Variants in XPNPEP2 observed in about 807,000 individuals in gnomAD.
XPNPEP2 encodes the protein xaa-Pro aminopeptidase 2.
Under a neutral mutation model 59.8 loss-of-function variants are expected in XPNPEP2, and 64 were observed. That is an observed-to-expected ratio of 1.07 (90% CI 0.87 to 1.32). The LOEUF (loss-of-function observed/expected upper bound fraction) is 1.32, where lower values mean the gene tolerates loss of function less well. XPNPEP2 is among the 40% of genes most tolerant of loss of function. The pLI, the probability that XPNPEP2 is intolerant of heterozygous loss-of-function variation, is 0.00. For synonymous variants in XPNPEP2, 235 were observed against 210.0 expected (o/e 1.12, Z -1.03); for missense variants, 575 against 546.8 (o/e 1.05, Z -0.51).
At chrX:129,744,169 G>A in intron 3 of XPNPEP2, 98 bp downstream of exon 3, 1 of 764,472 alleles carries the variant, frequency 1.3e-6, no homozygotes, top group East Asian at 3.2e-5. Context: ...GACAGAGAAA[G>A]GATCTGATGG....
intron 14 of XPNPEP2, among the ~76,000 whole-genome samples, chrX:129,757,147 G>C (rs1211395953): frequency 1.9e-5 from 2 of 104,219 alleles, no homozygotes; most frequent in Non-Finnish European, 3.9e-5. Flanking sequence ...TGGCCAGGCT[G>C]TTCTCAAACT....
chrX:129,762,582 G>T, intron 18 of XPNPEP2, 112 bp from the exon 19 acceptor site: 1 of 672,823 alleles, frequency 1.5e-6, no homozygotes, highest in Admixed American at 2.5e-5. Context: ...AGAGTCAACA[G>T]CCAGGGGACA....
At chrX:129,756,696 C>A in intron 14 of XPNPEP2, 141 bp downstream of exon 14, 1 of 602,315 alleles carries the variant, frequency 1.7e-6, no homozygotes. Flanking sequence ...CCCCGAACAT[C>A]CTACCCATTT....
intron 7 of XPNPEP2, among the ~76,000 whole-genome samples, 181 bp from the exon 8 acceptor site, chrX:129,750,287 C>A (rs1200106090): frequency 8.9e-6 from 1 of 112,529 alleles, no homozygotes; most frequent in Non-Finnish European, 1.9e-5. Flanking sequence ...AGGATTTGAG[C>A]CCCATCTGGG....
chrX:129,768,224 C>T lies in XPNPEP2; in HGVS notation c.1831-67C>T, dbSNP rs376533051. The T allele has an allele frequency of 1.4e-4, 144 of 1,056,571 alleles. No homozygotes were observed. In the East Asian group the frequency reaches 2.7e-3, roughly 20 times the overall value. 87.1% of individuals were successfully genotyped at this position (1,056,571 alleles called of 1,213,427 possible). On this transcript the variant is annotated intron_variant, in intron 20 of 20. Transcript: ENST00000371106. ...TGGAGTACCACAACAGGGGACTGGGCGTCACCAAGACTTCACCTCTTGGCA... is the reference window on the plus strand; with the variant it reads ...TGGAGTACCACAACAGGGGACTGGGTGTCACCAAGACTTCACCTCTTGGCA...
At chrX:129,756,740 C>T (rs771590611) in intron 14 of XPNPEP2, among the ~76,000 whole-genome samples, 185 bp downstream of exon 14, 1 of 110,424 alleles carries the variant, frequency 9.1e-6, no homozygotes, top group Non-Finnish European at 1.9e-5. Flanking sequence ...GTGGGAAATA[C>T]ACAGAGGCTG....
chrX:129,742,847 A>G (rs1392059669), intron 2 of XPNPEP2, among the ~76,000 whole-genome samples: 3 of 112,302 alleles, frequency 2.7e-5, no homozygotes, highest in Non-Finnish European at 5.6e-5. Flanking sequence ...GGTTGCAGTG[A>G]GCCAAGATTG....
chrX:129,758,307 G>A (rs1429676674), intron 14 of XPNPEP2, among the ~76,000 whole-genome samples: 4 of 111,583 alleles, frequency 3.6e-5, no homozygotes, highest in African/African-American at 3.3e-5. Context: ...TTGTGGGGGC[G>A]TTGCTGGAAT....
At chrX:129,742,051 C>T in intron 1 of XPNPEP2, 57 bp from the exon 2 acceptor site, 6 of 1,121,668 alleles carry the variant, frequency 5.3e-6, no homozygotes, top group Non-Finnish European at 7.3e-6. Flanking sequence ...ATACTCCTTC[C>T]CTCTCTAGGA....
rs1249242760 is a variant in XPNPEP2 at position 129,762,129 on chromosome X, A to C, written c.1663+64A>C. 2.7e-6 allele frequency: 3 copies of C among 1,116,412 alleles called. No individual in the cohort carries two copies. The Admixed American group carries it at 6.6e-5, about 25-fold the overall frequency. The allele number at this position is 1,116,412 out of a possible 1,213,427, so 92.0% of individuals were successfully genotyped here. ...CAGAGCAGGACTAGCCCAGGACTGC[A>C]GTCTAGAGTGTACCAGACTTCAGAG... On this transcript the variant is annotated intron_variant, in intron 18 of 20. Coordinates refer to ENST00000371106, the MANE Select transcript of XPNPEP2 (RefSeq NM_003399.6).
chrX:129,745,398 T>G, intron 4 of XPNPEP2, 132 bp downstream of exon 4: 1 of 721,254 alleles, frequency 1.4e-6, no homozygotes, highest in Non-Finnish European at 2.1e-6. Context: ...CTACTCTCTC[T>G]GTCTCCCTCC....
At chrX:129,750,629 C>G in intron 8 of XPNPEP2, 60 bp downstream of exon 8, 1 of 980,161 alleles carries the variant, frequency 1.0e-6, no homozygotes, top group African/African-American at 1.9e-5. Flanking sequence ...CCCAAGCCTC[C>G]CGGGCCCTGC....
chrX:129,760,677 C>A, intron 16 of XPNPEP2, 96 bp downstream of exon 16: 1 of 889,101 alleles, frequency 1.1e-6, no homozygotes. Context: ...AGGATTTTGT[C>A]ATCATCCCAT....
At chrX:129,752,472 G>A in intron 10 of XPNPEP2, 127 bp downstream of exon 10, 1 of 714,784 alleles carries the variant, frequency 1.4e-6, no homozygotes, top group Non-Finnish European at 2.1e-6. Context: ...ACTGTGCAGT[G>A]AGTTCCCTTC....
chrX:129,766,667 C>T (rs1329624517), intron 19 of XPNPEP2, among the ~76,000 whole-genome samples: 1 of 111,968 alleles, frequency 8.9e-6, no homozygotes, highest in Non-Finnish European at 1.9e-5. Flanking sequence ...TAGATGGACA[C>T]CACCATGCTC....
At chrX:129,765,354 A>C (rs1926729422) in intron 19 of XPNPEP2, among the ~76,000 whole-genome samples, 1 of 111,878 alleles carries the variant, frequency 8.9e-6, no homozygotes, top group African/African-American at 3.3e-5. Flanking sequence ...CATCTTGGTG[A>C]GCTTTTGGGA....
chrX:129,739,181 T>G lies in XPNPEP2; in HGVS notation c.-33T>G. 1.7e-6 allele frequency: 2 copies of G among 1,202,142 alleles called. No individual in the cohort carries two copies. The highest frequency in any genetic ancestry group is 2.2e-6 in the Non-Finnish European group (2 of 891,687). ...GAGCCCTCCCTCTCTCCCTTGTCCC[T>G]CCATCCACCCAGCGCCGGCATCTGG... On this transcript the variant is annotated 5_prime_UTR_variant, in exon 1 of 21. Coordinates refer to ENST00000371106, the MANE Select transcript of XPNPEP2 (RefSeq NM_003399.6).
chrX:129,757,299 G>T (rs954313033), intron 14 of XPNPEP2, among the ~76,000 whole-genome samples: 9 of 108,430 alleles, frequency 8.3e-5, no homozygotes, highest in African/African-American at 3.0e-4. Context: ...CAATGTCCCT[G>T]CCTGGCCACA....
At chrX:129,755,267 G>A in intron 12 of XPNPEP2, 27 bp from the exon 13 acceptor site, 1 of 1,202,702 alleles carries the variant, frequency 8.3e-7, no homozygotes, top group Non-Finnish European at 1.1e-6. Flanking sequence ...CCCATTCATT[G>A]ACCATGCCTT....
Sources: allele counts gnomAD v4.1 joint callset (sites outside exome capture counted in the v4.1 genomes callset), GRCh38; gene constraint gnomAD v4.1.1; transcripts MANE v1.5; gene names NCBI Gene and HGNC (gene_info 2026-07-23, HGNC 2026-07-21).